PAK3: variants seen among roughly 807,000 people sequenced by gnomAD.
PAK3 encodes the protein serine/threonine-protein kinase PAK 3.
A neutral mutation model predicts 41.0 loss-of-function variants in PAK3; 4 were observed. That is an observed-to-expected ratio of 0.10 (90% CI 0.05 to 0.22). The LOEUF (loss-of-function observed/expected upper bound fraction) is 0.22. PAK3 is among the 10% of genes least tolerant of loss of function. The probability of loss-of-function intolerance (pLI) is 1.00; values close to 1 mark genes in which losing one functional copy is unlikely to be tolerated. For missense variants in PAK3, 205 were observed against 409.9 expected (o/e 0.50, Z 4.32); for synonymous variants, 146 against 139.6 (o/e 1.05, Z -0.32).
intron 1 of PAK3, among the ~76,000 whole-genome samples, chrX:110,970,847 A>G (rs1289645820): frequency 8.9e-6 from 1 of 112,185 alleles, no homozygotes; most frequent in African/African-American, 3.2e-5. Flanking sequence ...TCATTTTTAT[A>G]AATTCGTTGA....
chrX:111,040,943 T>C (rs1407544423), intron 1 of PAK3, among the ~76,000 whole-genome samples: 1 of 111,896 alleles, frequency 8.9e-6, no homozygotes, highest in Non-Finnish European at 1.9e-5. Flanking sequence ...GCCTATTAAC[T>C]AAAGGCACTG....
chrX:111,130,980 C>G (rs1369511179), intron 5 of PAK3, among the ~76,000 whole-genome samples: 2 of 111,780 alleles, frequency 1.8e-5, no homozygotes, highest in East Asian at 5.6e-4. Flanking sequence ...CAAGGCAGAC[C>G]TAGAATTTGG....
At chrX:110,952,980 T>C (rs2090776085) in intron 1 of PAK3, among the ~76,000 whole-genome samples, 1 of 112,324 alleles carries the variant, frequency 8.9e-6, no homozygotes, top group Non-Finnish European at 1.9e-5. Context: ...GCCACAGATA[T>C]GGATTCTATG....
intron 1 of PAK3, among the ~76,000 whole-genome samples, chrX:111,088,511 A>G (rs1429985397): frequency 5.4e-5 from 6 of 112,076 alleles, no homozygotes; most frequent in Non-Finnish European, 1.1e-4. Flanking sequence ...TCTGTTATGT[A>G]TATCATACCC....
chrX:111,112,328 A>G (rs1430313624), intron 4 of PAK3, among the ~76,000 whole-genome samples: 4 of 109,842 alleles, frequency 3.6e-5, no homozygotes, highest in Non-Finnish European at 7.6e-5. Flanking sequence ...ATTCAACTCG[A>G]CTGTACTTCC....
chrX:111,003,160 G>C (rs1897709600), intron 1 of PAK3, among the ~76,000 whole-genome samples: 1 of 111,898 alleles, frequency 8.9e-6, no homozygotes, highest in African/African-American at 3.3e-5. Flanking sequence ...CATAGGGAAG[G>C]AATGTGGAAA....
chrX:110,979,587 C>T (rs1316946391), intron 1 of PAK3, among the ~76,000 whole-genome samples: 1 of 111,943 alleles, frequency 8.9e-6, no homozygotes, highest in Non-Finnish European at 1.9e-5. Context: ...AGCCACTGCA[C>T]CCAGCCTACT....
At chrX:111,219,975 G>A (rs749411164) in intron 17 of PAK3, among the ~76,000 whole-genome samples, 3 of 112,015 alleles carry the variant, frequency 2.7e-5, no homozygotes, top group African/African-American at 9.7e-5. Context: ...AGGCACAGCC[G>A]TTGGGTTTAG....
At chrX:110,978,684 C>A (rs1439886841) in intron 1 of PAK3, among the ~76,000 whole-genome samples, 1 of 103,907 alleles carries the variant, frequency 9.6e-6, no homozygotes, top group Non-Finnish European at 2.0e-5. Context: ...TTTCTTTTTT[C>A]TTTCTTTCTT....
intron 1 of PAK3, among the ~76,000 whole-genome samples, chrX:111,054,461 G>C (rs765198981): frequency 3.8e-4 from 43 of 112,466 alleles, no homozygotes; most frequent in South Asian, 7.4e-4. Flanking sequence ...AATCAGAGCT[G>C]TGTTGGATTT....
At chrX:111,122,882 T>C (rs2093598513) in intron 4 of PAK3, among the ~76,000 whole-genome samples, 195 bp from the exon 5 acceptor site, 1 of 111,917 alleles carries the variant, frequency 8.9e-6, no homozygotes, top group Non-Finnish European at 1.9e-5. Context: ...CTTTCCTTTT[T>C]TGAAAATTGC....
intron 1 of PAK3, among the ~76,000 whole-genome samples, chrX:111,085,548 A>G (rs997024680): frequency 1.8e-5 from 2 of 112,263 alleles, no homozygotes; most frequent in African/African-American, 6.5e-5. Flanking sequence ...CTTTGAAAAC[A>G]TGGTGTGGAT....
At position 111,196,328 on chromosome X, in the gene PAK3, T is replaced by C. The variant is rs766611379; in HGVS notation, c.1211-116T>C. 47 of 590,119 alleles carry C rather than the reference T, an allele frequency of 8.0e-5. No individual in the cohort carries two copies. The African/African-American group carries it at 8.6e-4, about 11-fold the overall frequency. The allele number at this position is 590,119 out of a possible 1,213,427, so 48.6% of individuals were successfully genotyped here. A position where few individuals can be genotyped will look rare whatever the true frequency, so the allele number is the denominator to read the frequency against. On this transcript the variant is annotated intron_variant, in intron 15 of 17. Transcript: ENST00000372007. The stretch of plus-strand genomic sequence containing the variant: ...CATCAGTTAACAAAAAGGTATGAGC[T>C]AGGCAGTTGTGGAAACTCAGTGTGT...
At position 111,035,131 on chromosome X, in the gene PAK3, A is replaced by AAAAG. The variant is rs1556453358; in HGVS notation, c.-27-87925_-27-87922dup. Among the ~76,000 whole-genome samples the AAAAG allele has an allele frequency of 3.3e-3, 179 of 54,176 alleles. 3 individuals are homozygous for AAAAG. The highest frequency in any genetic ancestry group is 0.01 in the African/African-American group (172 of 16,967). 47.0% of individuals were successfully genotyped at this position (54,176 alleles called of 115,157 possible). On this transcript the variant is annotated intron_variant, in intron 1 of 14. Coordinates refer to the PAK3 transcript ENST00000425146. ...AAAAAAAAAAAAAAAAAAAAAAAAA[A>AAAAG]AAAGAAAGAAAGAAAGAAAGAAAGG...
intron 16 of PAK3, among the ~76,000 whole-genome samples, chrX:111,205,894 C>T (rs1196199485): frequency 9.0e-6 from 1 of 111,698 alleles, no homozygotes; most frequent in African/African-American, 3.3e-5. Flanking sequence ...CTAGTCCCTT[C>T]TTGCACTAAT....
intron 1 of PAK3, among the ~76,000 whole-genome samples, chrX:111,025,269 G>A (rs1367950782): frequency 2.7e-5 from 3 of 110,393 alleles, no homozygotes; most frequent in Non-Finnish European, 5.7e-5. Flanking sequence ...CCTAAACCCA[G>A]CAGAAGCAAA....
At chrX:111,081,840 C>T (rs138232471) in intron 1 of PAK3, among the ~76,000 whole-genome samples, 1,155 of 111,310 alleles carry the variant, frequency 0.01, 17 homozygotes, top group African/African-American at 0.036. Flanking sequence ...TTTTTCTCCT[C>T]CTTCCTTGAT....
intron 1 of PAK3, among the ~76,000 whole-genome samples, chrX:111,025,708 A>C (rs1336667575): frequency 9.0e-6 from 1 of 111,049 alleles, no homozygotes; most frequent in East Asian, 2.8e-4. Flanking sequence ...GAATTCTATC[A>C]GACATTCAAA....
intron 1 of PAK3, among the ~76,000 whole-genome samples, chrX:111,084,901 C>G (rs932475128): frequency 2.7e-5 from 3 of 111,707 alleles, no homozygotes; most frequent in African/African-American, 9.8e-5. Flanking sequence ...AAACGACTAC[C>G]CCTTTTTATA....
Sources: gnomAD v4.1 joint callset for allele counts (sites outside exome capture counted in the v4.1 genomes callset) on GRCh38, gnomAD v4.1.1 for gene constraint, MANE v1.5 for transcripts, NCBI Gene and HGNC (gene_info 2026-07-23, HGNC 2026-07-21) for gene names.